The following ARK2C variants were observed in gnomAD, a reference collection of about 807,000 sequenced individuals.
ARK2C encodes the protein E3 ubiquitin-protein ligase ARK2C.
chr18:46,408,758 T>G, the ARK2C span, among the ~76,000 whole-genome samples: 1 of 152,188 alleles, frequency 6.6e-6, no homozygotes, highest in Non-Finnish European at 1.5e-5. Flanking sequence ...GTCAGATCAG[T>G]TTGTCTGTGG....
chr18:46,429,797 G>A, the ARK2C span, among the ~76,000 whole-genome samples: 2 of 151,934 alleles, frequency 1.3e-5, no homozygotes, highest in Admixed American at 6.5e-5. Context: ...TATTGAGATG[G>A]GGTCTTGCTA....
chr18:46,434,595 G>C, the ARK2C span, among the ~76,000 whole-genome samples: 1 of 152,190 alleles, frequency 6.6e-6, no homozygotes, highest in Non-Finnish European at 1.5e-5. Context: ...TAGCCTTATA[G>C]TATTATTAGG....
At chr18:46,357,883 C>T in the ARK2C span, among the ~76,000 whole-genome samples, 1 of 152,328 alleles carries the variant, frequency 6.6e-6, no homozygotes, top group East Asian at 1.9e-4. Flanking sequence ...AGGGAAGATT[C>T]CTTCCTCATC....
the ARK2C span, among the ~76,000 whole-genome samples, chr18:46,405,535 GTGGGTGAAAGGT>G: frequency 6.6e-6 from 1 of 152,300 alleles, no homozygotes; most frequent in African/African-American, 2.4e-5. Context: ...AACAGCAAAA[GTGGGTGAAAGGT>G]TGGAGAGAGA....
At chr18:46,383,207 G>C in the ARK2C span, among the ~76,000 whole-genome samples, 1 of 152,254 alleles carries the variant, frequency 6.6e-6, no homozygotes, top group Non-Finnish European at 1.5e-5. Context: ...CCCACCCAGG[G>C]GAGGCAGTGG....
the ARK2C span, among the ~76,000 whole-genome samples, chr18:46,370,629 G>A: frequency 9.8e-4 from 150 of 152,304 alleles, no homozygotes; most frequent in African/African-American, 3.5e-3. Context: ...AACGTACCAG[G>A]TGTGGGTGAG....
the ARK2C span, among the ~76,000 whole-genome samples, chr18:46,415,362 T>C: frequency 1.3e-5 from 2 of 151,644 alleles, no homozygotes; most frequent in African/African-American, 4.9e-5. Flanking sequence ...CTACTAAAAA[T>C]ACAAAAAATT....
chr18:46,355,117 T>C, the ARK2C span, among the ~76,000 whole-genome samples: 1 of 151,824 alleles, frequency 6.6e-6, no homozygotes, highest in East Asian at 1.9e-4. Flanking sequence ...GCCTGGCTAA[T>C]TTTTGTTTTT....
At chr18:46,418,011 G>C in the ARK2C span, among the ~76,000 whole-genome samples, 1 of 149,270 alleles carries the variant, frequency 6.7e-6, no homozygotes, top group African/African-American at 2.5e-5. Flanking sequence ...AAAAAAAAAA[G>C]TATAATGTAA....
chr18:46,405,238 G>C, the ARK2C span, among the ~76,000 whole-genome samples: 1 of 152,170 alleles, frequency 6.6e-6, no homozygotes, highest in African/African-American at 2.4e-5. Context: ...TCAGAGGTCA[G>C]CAATTCATCA....
At chr18:46,413,036 C>G in the ARK2C span, among the ~76,000 whole-genome samples, 1 of 152,148 alleles carries the variant, frequency 6.6e-6, no homozygotes, top group African/African-American at 2.4e-5. Flanking sequence ...TTCCAGGAGT[C>G]TTCCCGCCTT....
At chr18:46,450,918 T>C in the ARK2C span, 1 of 719,048 alleles carries the variant, frequency 1.4e-6, no homozygotes, top group Admixed American at 2.2e-5. Context: ...ACCTTTGCTC[T>C]GGTTAGATGC....
the ARK2C span, among the ~76,000 whole-genome samples, chr18:46,383,412 C>T: frequency 6.6e-6 from 1 of 152,172 alleles, no homozygotes; most frequent in South Asian, 2.1e-4. Context: ...TGTATACACA[C>T]ACACATGTTA....
At chr18:46,375,755 A>G in the ARK2C span, among the ~76,000 whole-genome samples, 1 of 152,132 alleles carries the variant, frequency 6.6e-6, no homozygotes, top group South Asian at 2.1e-4. Flanking sequence ...AGATATTTTG[A>G]GGTGGGAGCA....
At chr18:46,425,632 T>C in the ARK2C span, among the ~76,000 whole-genome samples, 1 of 152,150 alleles carries the variant, frequency 6.6e-6, no homozygotes, top group Admixed American at 6.5e-5. Flanking sequence ...CCACGGTCCC[T>C]GGCATCTGAC....
the ARK2C span, among the ~76,000 whole-genome samples, chr18:46,396,512 G>A: frequency 6.6e-6 from 1 of 152,220 alleles, no homozygotes; most frequent in African/African-American, 2.4e-5. Flanking sequence ...CCAAGACCTA[G>A]CAGGTGCCTG....
chr18:46,429,377 C>T, the ARK2C span, among the ~76,000 whole-genome samples: 1,005 of 152,294 alleles, frequency 6.6e-3, 9 homozygotes, highest in African/African-American at 0.023. Flanking sequence ...ATCCCTCAAC[C>T]GCAGTGCGCT....
the ARK2C span, among the ~76,000 whole-genome samples, chr18:46,380,328 C>G: frequency 6.6e-6 from 1 of 152,220 alleles, no homozygotes; most frequent in Non-Finnish European, 1.5e-5. Flanking sequence ...GCCTTTTCCT[C>G]TGGCGACTTG....
chr18:46,440,213 C>G, the ARK2C span, among the ~76,000 whole-genome samples: 1 of 152,044 alleles, frequency 6.6e-6, no homozygotes, highest in African/African-American at 2.4e-5. Context: ...GTTTCGCTTT[C>G]CAGGGTTTCA....
Sources: gnomAD v4.1 joint callset for allele counts (sites outside exome capture counted in the v4.1 genomes callset) on GRCh38, gnomAD v4.1.1 for gene constraint, MANE v1.5 for transcripts, NCBI Gene and HGNC (gene_info 2026-07-23, HGNC 2026-07-21) for gene names.